The following CACNA2D3 variants were observed in gnomAD, a reference collection of about 807,000 sequenced individuals.
The protein encoded by CACNA2D3 is voltage-dependent calcium channel subunit alpha-2/delta-3.
CACNA2D3 carries 60 observed loss-of-function variants against 160.6 expected under a neutral mutation model. The observed-to-expected ratio is 0.37, with a 90% CI of 0.30 to 0.46. The LOEUF is 0.46. Ranked by LOEUF, CACNA2D3 falls within the 20% of genes least tolerant of loss-of-function variation. The probability of loss-of-function intolerance (pLI) is 1.00; values close to 1 mark genes in which losing one functional copy is unlikely to be tolerated. For missense variants in CACNA2D3, 1,205 were observed against 1,365.0 expected (o/e 0.88, Z 1.85); for synonymous variants, 558 against 492.9 (o/e 1.13, Z -1.75).
chr3:55,053,704 A>C (rs1357107232), intron 35 of CACNA2D3, among the ~76,000 whole-genome samples: 1 of 151,970 alleles, frequency 6.6e-6, no homozygotes, highest in East Asian at 1.9e-4. Context: ...CATTTCCTAC[A>C]AATATGGACA....
chr3:54,701,141 GTTTC>G (rs1470956554), intron 11 of CACNA2D3, among the ~76,000 whole-genome samples: 1 of 152,186 alleles, frequency 6.6e-6, no homozygotes, highest in Non-Finnish European at 1.5e-5. Flanking sequence ...CTGATCTGAA[GTTTC>G]TTTCTAGGCT....
At chr3:54,394,364 G>A (rs1699337010) in intron 4 of CACNA2D3, among the ~76,000 whole-genome samples, 1 of 147,558 alleles carries the variant, frequency 6.8e-6, no homozygotes, top group Non-Finnish European at 1.5e-5. Context: ...GGGTACATGT[G>A]CACATTGTGC....
At chr3:54,621,137 A>G (rs1438219119) in intron 9 of CACNA2D3, among the ~76,000 whole-genome samples, 1 of 152,210 alleles carries the variant, frequency 6.6e-6, no homozygotes, top group Non-Finnish European at 1.5e-5. Flanking sequence ...CAGGACCACC[A>G]GCTCTCAAGG....
intron 29 of CACNA2D3, among the ~76,000 whole-genome samples, chr3:54,972,376 A>T (rs183433298): frequency 6.6e-6 from 1 of 152,298 alleles, no homozygotes; most frequent in Admixed American, 6.5e-5. Context: ...TAAATAGAAA[A>T]GTCAGTCCTG....
intron 3 of CACNA2D3, among the ~76,000 whole-genome samples, chr3:54,326,954 G>A (rs1284961925): frequency 6.6e-6 from 1 of 151,690 alleles, no homozygotes; most frequent in Non-Finnish European, 1.5e-5. Context: ...CCTTTTTTTG[G>A]TAAACTGGGT....
At chr3:54,696,038 G>A (rs113456170) in intron 11 of CACNA2D3, among the ~76,000 whole-genome samples, 11 of 152,230 alleles carry the variant, frequency 7.2e-5, no homozygotes, top group Non-Finnish European at 1.2e-4. Context: ...GTCTCCCCCA[G>A]TGTGGTCCTA....
At chr3:54,225,017 A>G (rs1045851005) in intron 2 of CACNA2D3, among the ~76,000 whole-genome samples, 2 of 148,126 alleles carry the variant, frequency 1.4e-5, no homozygotes, top group African/African-American at 2.5e-5. Flanking sequence ...GGTTTGTTAC[A>G]TATGTATACA....
chr3:54,415,427 T>G (rs1699739498), intron 4 of CACNA2D3, among the ~76,000 whole-genome samples: 1 of 152,206 alleles, frequency 6.6e-6, no homozygotes, highest in Admixed American at 6.5e-5. Flanking sequence ...TAGAATTAAT[T>G]CTTTTCTACT....
At chr3:54,471,550 TC>T (rs1239512086) in intron 4 of CACNA2D3, among the ~76,000 whole-genome samples, 7 of 151,646 alleles carry the variant, frequency 4.6e-5, no homozygotes, top group Non-Finnish European at 1.0e-4. Context: ...ATAACTAAGA[TC>T]AGAGCAGAAC....
At chr3:54,806,604 A>T (rs1401270311) in intron 13 of CACNA2D3, among the ~76,000 whole-genome samples, 1 of 152,220 alleles carries the variant, frequency 6.6e-6, no homozygotes, top group African/African-American at 2.4e-5. Context: ...GGAAGAATCA[A>T]TATCGTGAGA....
At chr3:54,405,348 A>T (rs1699556072) in intron 4 of CACNA2D3, among the ~76,000 whole-genome samples, 1 of 152,032 alleles carries the variant, frequency 6.6e-6, no homozygotes, top group South Asian at 2.1e-4. Flanking sequence ...CAATCAAAAC[A>T]ACATGTTACT....
At chr3:54,646,182 C>A (rs1269630423) in intron 11 of CACNA2D3, among the ~76,000 whole-genome samples, 1 of 17,786 alleles carries the variant, frequency 5.6e-5, no homozygotes, top group African/African-American at 1.7e-4. Flanking sequence ...CTCCCTCCCT[C>A]CCTCCTTCCT....
chr3:54,922,088 G>A (rs1306621469), intron 27 of CACNA2D3, among the ~76,000 whole-genome samples: 1 of 152,130 alleles, frequency 6.6e-6, no homozygotes, highest in East Asian at 1.9e-4. Flanking sequence ...AAGAAAAGCT[G>A]TGATCTGTAC....
intron 17 of CACNA2D3, among the ~76,000 whole-genome samples, chr3:54,850,256 C>T (rs1699027362): frequency 6.6e-6 from 1 of 152,168 alleles, no homozygotes. Flanking sequence ...AAGTAATCTT[C>T]AAAGGGGCCG....
At chr3:54,874,347 A>T (rs1306552663) in intron 18 of CACNA2D3, among the ~76,000 whole-genome samples, 3 of 152,186 alleles carry the variant, frequency 2.0e-5, no homozygotes, top group African/African-American at 4.8e-5. Flanking sequence ...ATTTTGAGAC[A>T]TGCATAGCCC....
chr3:54,786,024 G>T (rs749073440), intron 13 of CACNA2D3, among the ~76,000 whole-genome samples: 25 of 152,040 alleles, frequency 1.6e-4, no homozygotes, highest in Non-Finnish European at 3.1e-4. Context: ...TGCCATCATG[G>T]TCCTTTCTTG....
At chr3:54,917,567 A>G (rs576962562) in intron 27 of CACNA2D3, among the ~76,000 whole-genome samples, 27 of 152,318 alleles carry the variant, frequency 1.8e-4, no homozygotes, top group Middle Eastern at 6.8e-3. Context: ...GTACAACTCT[A>G]TGCACTCTGT....
At chr3:54,478,988 C>A (rs75893363) in intron 4 of CACNA2D3, among the ~76,000 whole-genome samples, 5 of 151,134 alleles carry the variant, frequency 3.3e-5, no homozygotes, top group Non-Finnish European at 5.9e-5. Context: ...TTGGCTATAT[C>A]CCCACCCAGA....
At chr3:55,000,860 G>C (rs564395398) in intron 31 of CACNA2D3, among the ~76,000 whole-genome samples, 1 of 152,094 alleles carries the variant, frequency 6.6e-6, no homozygotes, top group Non-Finnish European at 1.5e-5. Context: ...ACCCTGGGCT[G>C]GGGAACAGGT....
Sources: allele counts gnomAD v4.1 joint callset (sites outside exome capture counted in the v4.1 genomes callset), GRCh38; gene constraint gnomAD v4.1.1; transcripts MANE v1.5; gene names NCBI Gene and HGNC (gene_info 2026-07-23, HGNC 2026-07-21).